THSD7A: variants seen among roughly 807,000 people sequenced by gnomAD.
THSD7A encodes the protein thrombospondin type-1 domain-containing protein 7A.
A neutral mutation model predicts 231.3 loss-of-function variants in THSD7A; 96 were observed. The ratio of observed to expected loss-of-function variants is 0.41; its 90% CI spans 0.35 to 0.49. THSD7A has a LOEUF of 0.49. THSD7A is among the 20% of genes least tolerant of loss of function. THSD7A has a pLI of 0.05. For synonymous variants in THSD7A, 940 were observed against 743.3 expected, an observed-to-expected ratio of 1.26 and a Z score of -4.30; for missense variants, 2,290 against 2,070.2, an observed-to-expected ratio of 1.11 and a Z score of -2.06.
intron 25 of THSD7A, 133 bp from the exon 26 acceptor site, chr7:11,379,413 A>G: frequency 1.1e-6 from 1 of 930,670 alleles, no homozygotes; most frequent in Non-Finnish European, 1.6e-6. Context: ...TATTATTTTT[A>G]ACTACAAAGA....
At chr7:11,478,567 G>A (rs1303497046) in intron 7 of THSD7A, among the ~76,000 whole-genome samples, 1 of 151,968 alleles carries the variant, frequency 6.6e-6, no homozygotes, top group African/African-American at 2.4e-5. Context: ...GAGAAAAAGA[G>A]CCTAGCAATA....
At chr7:11,623,334 G>A (rs913659991) in intron 2 of THSD7A, among the ~76,000 whole-genome samples, 1 of 152,068 alleles carries the variant, frequency 6.6e-6, no homozygotes, top group Non-Finnish European at 1.5e-5. Context: ...ATTTAAGAAC[G>A]CACTTGCATG....
intron 23 of THSD7A, among the ~76,000 whole-genome samples, chr7:11,394,779 G>C (rs1783116661): frequency 6.6e-6 from 1 of 152,168 alleles, no homozygotes; most frequent in Non-Finnish European, 1.5e-5. Context: ...ACGCCTAGCT[G>C]CTCTTACACT....
At chr7:11,711,042 T>C (rs181756480) in intron 1 of THSD7A, among the ~76,000 whole-genome samples, 158 of 151,104 alleles carry the variant, frequency 1.0e-3, no homozygotes, top group African/African-American at 3.7e-3. Context: ...GGAAAATGCA[T>C]ATTATGTCCT....
intron 4 of THSD7A, among the ~76,000 whole-genome samples, chr7:11,547,076 A>G (rs940529931): frequency 1.2e-4 from 19 of 152,194 alleles, no homozygotes; most frequent in Non-Finnish European, 2.6e-4. Flanking sequence ...GACTAAACCT[A>G]TGACTCACTG....
intron 4 of THSD7A, among the ~76,000 whole-genome samples, chr7:11,567,480 T>A (rs1187452768): frequency 1.3e-5 from 2 of 152,166 alleles, no homozygotes; most frequent in Non-Finnish European, 2.9e-5. Context: ...ACACGAAGCC[T>A]AACCATATCA....
intron 23 of THSD7A, among the ~76,000 whole-genome samples, chr7:11,391,679 G>C (rs1008980946): frequency 6.6e-6 from 1 of 152,214 alleles, no homozygotes; most frequent in Non-Finnish European, 1.5e-5. Flanking sequence ...AGCTCCTGCA[G>C]CTAGCTAGGT....
At chr7:11,583,919 C>T (rs1030166017) in intron 4 of THSD7A, among the ~76,000 whole-genome samples, 5 of 152,118 alleles carry the variant, frequency 3.3e-5, no homozygotes, top group African/African-American at 1.2e-4. Context: ...CTTAGTGAGT[C>T]TTATTTTTCT....
intron 17 of THSD7A, chr7:11,413,979 A>T (rs894654028): frequency 6.6e-6 from 1 of 150,824 alleles, no homozygotes; most frequent in Non-Finnish European, 1.5e-5. Context: ...CCTTTGAAAA[A>T]CCCCTACCTA....
chr7:11,633,260 A>AG (rs1781718748), intron 2 of THSD7A, among the ~76,000 whole-genome samples: 1 of 152,184 alleles, frequency 6.6e-6, no homozygotes, highest in Non-Finnish European at 1.5e-5. Flanking sequence ...GATTTCACCC[A>AG]GCCTGGCTGG....
intron 1 of THSD7A, among the ~76,000 whole-genome samples, chr7:11,759,735 G>C (rs1232627632): frequency 2.0e-5 from 3 of 152,006 alleles, no homozygotes; most frequent in African/African-American, 7.2e-5. Context: ...AAAATGCTAT[G>C]AGAAAAATAT....
At chr7:11,526,112 A>G (rs1321428705) in intron 6 of THSD7A, among the ~76,000 whole-genome samples, 1 of 152,164 alleles carries the variant, frequency 6.6e-6, no homozygotes, top group Non-Finnish European at 1.5e-5. Context: ...AATATTTTCA[A>G]TTTGAATTGT....
chr7:11,707,142 G>A (rs549369211), intron 1 of THSD7A, among the ~76,000 whole-genome samples: 2 of 150,802 alleles, frequency 1.3e-5, no homozygotes, highest in South Asian at 2.1e-4. Flanking sequence ...CTCTCCCTGA[G>A]TGCAAAGCAA....
rs868780239 is a variant in THSD7A, at chr7:11,590,866, T to C, written c.1272-225A>G. ...AGGGTGATCCTGTTTCAATTGCAAT[T>C]ACTGGAAGTTACTTATAAATATTTT... is the stretch of plus-strand genomic sequence containing the variant. On this transcript the variant is annotated intron_variant, in intron 3 of 27. Coordinates refer to ENST00000423059, the MANE Select transcript of THSD7A (RefSeq NM_015204.3). This position sits in a 1 kb window ranked among gnomAD's most constrained non-coding sequence, Gnocchi z 4.4. Among the ~76,000 whole-genome samples, 4 of 152,164 alleles carry C rather than the reference T, an allele frequency of 2.6e-5. No homozygotes were observed. Among genetic ancestry groups the C allele is most frequent in the South Asian group, 2.1e-4 (1 of 4,828 alleles).
At chr7:11,403,915 G>A (rs1232237541) in intron 22 of THSD7A, among the ~76,000 whole-genome samples, 2 of 152,010 alleles carry the variant, frequency 1.3e-5, no homozygotes, top group Non-Finnish European at 2.9e-5. Context: ...TCCTAATTTA[G>A]TATTCTACTC....
At chr7:11,429,576 A>C (rs554932150) in intron 13 of THSD7A, among the ~76,000 whole-genome samples, 1 of 152,374 alleles carries the variant, frequency 6.6e-6, no homozygotes, top group East Asian at 1.9e-4. Context: ...CTCAATACCC[A>C]AAAGGAACCA....
chr7:11,512,707 T>C (rs1787863119), intron 6 of THSD7A, among the ~76,000 whole-genome samples: 1 of 137,982 alleles, frequency 7.2e-6, no homozygotes, highest in Non-Finnish European at 1.5e-5. Flanking sequence ...ATGTTCTCAC[T>C]CATAGGTGGG....
intron 4 of THSD7A, among the ~76,000 whole-genome samples, chr7:11,546,433 C>T (rs1208183951): frequency 3.3e-5 from 5 of 152,154 alleles, no homozygotes; most frequent in Admixed American, 6.5e-5. Flanking sequence ...AGGCCTGGTC[C>T]CAGGTCCCCA....
chr7:11,554,822 G>T (rs1583964357), intron 4 of THSD7A, among the ~76,000 whole-genome samples: 1 of 151,682 alleles, frequency 6.6e-6, no homozygotes, highest in African/African-American at 2.4e-5. Context: ...GATGAGTTGT[G>T]GTAGGTTGCA....
Sources: gnomAD v4.1 joint callset for allele counts (sites outside exome capture counted in the v4.1 genomes callset) on GRCh38, gnomAD v4.1.1 for gene constraint, Gnocchi (gnomAD v3.1) non-coding constraint, MANE v1.5 for transcripts, NCBI Gene and HGNC (gene_info 2026-07-23, HGNC 2026-07-21) for gene names.